HNRNPM: variants seen among roughly 807,000 people sequenced by gnomAD.
HNRNPM encodes CEA receptor.
HNRNPM carries 11 observed loss-of-function variants against 73.1 expected under a neutral mutation model. That is an observed-to-expected ratio of 0.15 (90% CI 0.09 to 0.25). The LOEUF (loss-of-function observed/expected upper bound fraction) is 0.25, where lower values mean the gene tolerates loss of function less well. Among genes scored for constraint, HNRNPM ranks in the 10% least tolerant of loss-of-function variants. HNRNPM has a pLI of 1.00. For missense variants in HNRNPM, 789 were observed against 1,067.9 expected (o/e 0.74, Z 3.64); for synonymous variants, 407 against 355.2 (o/e 1.15, Z -1.64).
chr19:8,487,005 C>G lies in HNRNPM; in HGVS notation c.1978-19C>G, dbSNP rs1356534355. 3.1e-6 allele frequency: 5 copies of G among 1,609,068 alleles called. No homozygotes were observed. The East Asian group carries it at 6.7e-5, about 22-fold the overall frequency. The stretch of plus-strand genomic sequence containing the variant: ...TTGGTTTAATCACGCATCAGTCTCC[C>G]TTTTCTTCTCCCCTTCAGCTGCCAT... On this transcript the variant is annotated intron_variant, in intron 14 of 15. Transcript: ENST00000325495.
At chr19:8,484,002 A>G (rs1482006776) in intron 13 of HNRNPM, among the ~76,000 whole-genome samples, 1 of 151,882 alleles carries the variant, frequency 6.6e-6, no homozygotes, top group South Asian at 2.1e-4. Flanking sequence ...TCCTGGCCTC[A>G]AGTGACCTGC....
intron 2 of HNRNPM, among the ~76,000 whole-genome samples, chr19:8,460,708 G>T (rs77154446): frequency 6.6e-6 from 1 of 152,272 alleles, no homozygotes; most frequent in Non-Finnish European, 1.5e-5. Flanking sequence ...CATGCAACTG[G>T]GACTTGAATT....
intron 13 of HNRNPM, among the ~76,000 whole-genome samples, chr19:8,485,295 A>T (rs1202153621): frequency 6.6e-6 from 1 of 152,088 alleles, no homozygotes; most frequent in Non-Finnish European, 1.5e-5. Flanking sequence ...TGTCTCAGGA[A>T]TTGACGTCCA....
chr19:8,464,383 T>C (rs1256615315), intron 5 of HNRNPM, among the ~76,000 whole-genome samples: 1 of 152,098 alleles, frequency 6.6e-6, no homozygotes, highest in East Asian at 1.9e-4. Flanking sequence ...ACGCCTGTAA[T>C]CCCCAGCACT....
intron 13 of HNRNPM, among the ~76,000 whole-genome samples, chr19:8,484,059 C>G (rs1971100801): frequency 6.6e-6 from 1 of 152,148 alleles, no homozygotes. Flanking sequence ...CCACACCTGG[C>G]CCAAATGTAC....
chr19:8,454,015 C>CT (rs1234824529), intron 1 of HNRNPM, among the ~76,000 whole-genome samples: 2 of 152,194 alleles, frequency 1.3e-5, no homozygotes, highest in East Asian at 1.9e-4. Context: ...GTTGCTCAGA[C>CT]CCAAGTTTCC....
chr19:8,464,363 G>A (rs972893947), intron 5 of HNRNPM, among the ~76,000 whole-genome samples: 8 of 152,176 alleles, frequency 5.3e-5, no homozygotes, highest in African/African-American at 9.7e-5. Flanking sequence ...TTGGCTGGGC[G>A]CAGTGGCTCA....
intron 11 of HNRNPM, among the ~76,000 whole-genome samples, chr19:8,473,941 C>T (rs1480976247): frequency 1.3e-5 from 2 of 151,882 alleles, no homozygotes; most frequent in Non-Finnish European, 2.9e-5. Flanking sequence ...CTCTATGCCT[C>T]TTTTTGCTTG....
intron 12 of HNRNPM, 63 bp downstream of exon 12, chr19:8,474,307 CTT>C: frequency 8.3e-7 from 1 of 1,202,840 alleles, no homozygotes; most frequent in Non-Finnish European, 1.2e-6. Context: ...TCTCAGGTGA[CTT>C]TTAGGCTGCA....
chr19:8,474,502 T>C (rs1476726912), intron 12 of HNRNPM, among the ~76,000 whole-genome samples: 1 of 152,190 alleles, frequency 6.6e-6, no homozygotes, highest in Non-Finnish European at 1.5e-5. Context: ...TTAAAAAGCA[T>C]GTACACGTTC....
intron 12 of HNRNPM, among the ~76,000 whole-genome samples, chr19:8,478,758 C>T (rs1402358855): frequency 3.3e-5 from 5 of 152,188 alleles, no homozygotes; most frequent in Admixed American, 6.5e-5. Context: ...GAAACTGCTG[C>T]GTGTACTTGA....
chr19:8,475,098 T>G (rs531638141), intron 12 of HNRNPM, among the ~76,000 whole-genome samples: 3 of 152,246 alleles, frequency 2.0e-5, no homozygotes, highest in African/African-American at 7.2e-5. Flanking sequence ...CCACATGATA[T>G]GTACATACTG....
At chr19:8,447,258 A>T (rs575457418) in intron 1 of HNRNPM, among the ~76,000 whole-genome samples, 1 of 77,470 alleles carries the variant, frequency 1.3e-5, no homozygotes, top group Admixed American at 2.1e-4. Flanking sequence ...GCCTGTGGAA[A>T]ACTTTTTTTT....
chr19:8,465,591 T>C (rs545207852), intron 6 of HNRNPM, 76 bp downstream of exon 6: 3 of 957,336 alleles, frequency 3.1e-6, no homozygotes, highest in Non-Finnish European at 4.7e-6. Flanking sequence ...GTTATAAAAG[T>C]AATTCTCACA....
intron 1 of HNRNPM, among the ~76,000 whole-genome samples, chr19:8,445,962 C>T (rs1193335863): frequency 6.6e-6 from 1 of 152,210 alleles, no homozygotes; most frequent in Non-Finnish European, 1.5e-5. Flanking sequence ...GGCTCTTTGA[C>T]TCCTTGGCTT....
chr19:8,448,081 C>G (rs1968342115), intron 1 of HNRNPM, among the ~76,000 whole-genome samples: 1 of 152,174 alleles, frequency 6.6e-6, no homozygotes, highest in African/African-American at 2.4e-5. Context: ...AAGGTTGGAG[C>G]ACTGGCAGCC....
chr19:8,486,136 C>T lies in HNRNPM; in HGVS notation c.1708C>T (p.Arg570Cys), dbSNP rs1971280245. 6.2e-7 allele frequency: 1 copy of T among 1,604,516 alleles called. No homozygotes were observed. Among genetic ancestry groups the T allele is most frequent in the Non-Finnish European group, 8.5e-7 (1 of 1,178,592 alleles). Residue 570 changes from arginine (R) to cysteine (C), a missense_variant, in exon 14 of 16, where the codon CGC becomes TGC. Around this residue, in one of 4 missense-constraint regions of HNRNPM, gnomAD observed 604 missense variants for 744.0 expected, o/e 0.81. Transcript: ENST00000325495. Reference protein sequence around the residue: ...ANNLERMGLERMGANSLERMG... With the variant: ...ANNLERMGLECMGANSLERMG... Reference sequence around the variant, plus strand: ...CAATCTGGAGCGGATGGGCCTGGAGCGCATGGGCGCCAACAGCCTCGAGCG... The same window carrying T: ...CAATCTGGAGCGGATGGGCCTGGAGTGCATGGGCGCCAACAGCCTCGAGCG...
At chr19:8,452,507 G>T (rs1968700543) in intron 1 of HNRNPM, among the ~76,000 whole-genome samples, 1 of 152,142 alleles carries the variant, frequency 6.6e-6, no homozygotes, top group South Asian at 2.1e-4. Context: ...ACTTTCTTTT[G>T]GAGTAGACAA....
intron 9 of HNRNPM, among the ~76,000 whole-genome samples, chr19:8,469,469 T>G (rs2145686304): frequency 6.6e-6 from 1 of 152,328 alleles, no homozygotes; most frequent in South Asian, 2.1e-4. Context: ...CACCGAATAC[T>G]TTGAGTTTTA....
Sources: allele counts gnomAD v4.1 joint callset (sites outside exome capture counted in the v4.1 genomes callset), GRCh38; gene constraint gnomAD v4.1.1; regional missense constraint gnomAD v4.1.1; transcripts MANE v1.5; gene names NCBI Gene and HGNC (gene_info 2026-07-23, HGNC 2026-07-21).